The following LRP1B variants were observed in gnomAD, a reference collection of about 807,000 sequenced individuals.
LRP1B encodes the protein low-density lipoprotein receptor-related protein 1B.
Under a neutral mutation model 556.6 loss-of-function variants are expected in LRP1B, and 217 were observed. The observed-to-expected ratio is 0.39, with a 90% CI of 0.35 to 0.44. The LOEUF (loss-of-function observed/expected upper bound fraction) is 0.44. Among genes scored for constraint, LRP1B ranks in the 20% least tolerant of loss-of-function variants. The pLI, the probability that LRP1B is intolerant of heterozygous loss-of-function variation, is 1.00. For synonymous variants in LRP1B, 2,047 were observed against 1,865.8 expected (o/e 1.10, Z -2.50); for missense variants, 5,053 against 5,620.8 (o/e 0.90, Z 3.23).
intron 21 of LRP1B, among the ~76,000 whole-genome samples, chr2:140,913,540 G>C (rs758408483): frequency 2.0e-5 from 3 of 151,770 alleles, no homozygotes; most frequent in Non-Finnish European, 4.4e-5. Flanking sequence ...CTTAACATTC[G>C]AATATATACC....
At chr2:141,789,540 C>G (rs1017741947) in intron 2 of LRP1B, among the ~76,000 whole-genome samples, 2 of 151,930 alleles carry the variant, frequency 1.3e-5, no homozygotes, top group Non-Finnish European at 1.5e-5. Context: ...CCAAGATGAT[C>G]TGATACAATC....
At chr2:141,018,412 T>C (rs1438560265) in intron 12 of LRP1B, among the ~76,000 whole-genome samples, 1 of 152,116 alleles carries the variant, frequency 6.6e-6, no homozygotes, top group African/African-American at 2.4e-5. Flanking sequence ...GAAAAAAATA[T>C]TCTATTAATC....
At chr2:140,874,899 A>G (rs1266659160) in intron 25 of LRP1B, among the ~76,000 whole-genome samples, 2 of 151,870 alleles carry the variant, frequency 1.3e-5, no homozygotes, top group East Asian at 3.9e-4. Flanking sequence ...GGCACCTGTA[A>G]TCCCAGCTAC....
At chr2:140,296,123 A>C (rs1019330425) in intron 84 of LRP1B, among the ~76,000 whole-genome samples, 1 of 152,228 alleles carries the variant, frequency 6.6e-6, no homozygotes, top group Non-Finnish European at 1.5e-5. Flanking sequence ...AATGTGAAAT[A>C]TTCCAATATC....
intron 83 of LRP1B, among the ~76,000 whole-genome samples, chr2:140,302,446 T>C (rs1683875221): frequency 6.6e-6 from 1 of 152,204 alleles, no homozygotes; most frequent in African/African-American, 2.4e-5. Context: ...TTAGGTCTAC[T>C]TCATATTCAA....
intron 7 of LRP1B, among the ~76,000 whole-genome samples, chr2:141,145,698 T>C (rs1474986842): frequency 1.3e-5 from 2 of 151,678 alleles, no homozygotes; most frequent in Non-Finnish European, 2.9e-5. Context: ...CACGCCTGGC[T>C]AATTTTGTAT....
intron 2 of LRP1B, among the ~76,000 whole-genome samples, chr2:141,586,282 A>G (rs905920994): frequency 1.3e-5 from 2 of 152,194 alleles, no homozygotes; most frequent in Non-Finnish European, 2.9e-5. Flanking sequence ...AATACCTGCT[A>G]ATCACTTTGG....
rs113023867 is a variant in LRP1B, at chr2:140,489,592, T to C, written c.9121-1853A>G. 5.1e-3 allele frequency among the ~76,000 whole-genome samples: 777 copies of C among 152,198 alleles called. 8 individuals carry two copies. Among genetic ancestry groups the C allele is most frequent in the African/African-American group, 0.016 (662 of 41,564 alleles). ...TCAAAGTTCTAAAATATAAATTGAATGTGTTCCAGGCAAGTTTGTAGAGGG... is the reference window on the plus strand; with the variant it reads ...TCAAAGTTCTAAAATATAAATTGAACGTGTTCCAGGCAAGTTTGTAGAGGG... On this transcript the variant is annotated intron_variant, in intron 57 of 90. Transcript: ENST00000389484.
Position 140,506,409 on chromosome 2 carries a change from A to G in LRP1B, c.8521+387T>C, listed in dbSNP as rs571846549. ...ACAGGCATGGCCACCATGCCTGACG[A>G]ATTTTTGTATTTTTAGTAGAGATGG... On this transcript the variant is annotated intron_variant, in intron 53 of 90. Transcript: ENST00000389484. Among the ~76,000 whole-genome samples the G allele has an allele frequency of 7.3e-5, 11 of 151,490 alleles. 3 individuals are homozygous for G. Among genetic ancestry groups the G allele is most frequent in the African/African-American group, 2.7e-4 (11 of 41,288 alleles).
chr2:141,308,831 TGTTACCAA>T (rs2105444727), intron 3 of LRP1B, among the ~76,000 whole-genome samples: 2 of 152,308 alleles, frequency 1.3e-5, no homozygotes, highest in East Asian at 3.9e-4. Context: ...TACACTAACA[TGTTACCAA>T]ATAGCCTTTT....
At chr2:140,456,640 A>T (rs1211422610) in intron 61 of LRP1B, 37 bp from the exon 62 acceptor site, 1 of 1,577,444 alleles carries the variant, frequency 6.3e-7, no homozygotes, top group Non-Finnish European at 8.6e-7. Flanking sequence ...ACAAAACAGG[A>T]TAATCAAGAC....
chr2:141,264,781 T>C (rs1684825509), intron 3 of LRP1B, among the ~76,000 whole-genome samples: 1 of 152,120 alleles, frequency 6.6e-6, no homozygotes, highest in Non-Finnish European at 1.5e-5. Flanking sequence ...TTATAAAAGA[T>C]TGTATATGTT....
chr2:140,910,139 G>A (rs1208642471), intron 21 of LRP1B, among the ~76,000 whole-genome samples: 1 of 148,952 alleles, frequency 6.7e-6, no homozygotes, highest in Non-Finnish European at 1.5e-5. Context: ...AGTAGAAACT[G>A]TATATATTCC....
intron 2 of LRP1B, among the ~76,000 whole-genome samples, chr2:141,701,624 T>C (rs1691942693): frequency 6.6e-6 from 1 of 151,834 alleles, no homozygotes; most frequent in African/African-American, 2.4e-5. Context: ...TGTGGGCTAA[T>C]TGAGGACATC....
chr2:140,713,717 T>C (rs1406029574), intron 37 of LRP1B, among the ~76,000 whole-genome samples: 2 of 152,112 alleles, frequency 1.3e-5, no homozygotes, highest in Non-Finnish European at 2.9e-5. Context: ...CTCTTCCCTA[T>C]GTGTACCTCG....
At chr2:141,896,306 A>G (rs1236075574) in intron 1 of LRP1B, among the ~76,000 whole-genome samples, 2 of 152,212 alleles carry the variant, frequency 1.3e-5, no homozygotes, top group African/African-American at 4.8e-5. Flanking sequence ...TAATTTTAAC[A>G]TAGTATATAG....
chr2:140,487,299 A>T (rs1688508573), intron 58 of LRP1B, among the ~76,000 whole-genome samples: 2 of 151,952 alleles, frequency 1.3e-5, no homozygotes, highest in Non-Finnish European at 2.9e-5. Context: ...TATTTAAATC[A>T]ACAGAATTGA....
At chr2:141,015,100 T>C (rs950324910) in intron 13 of LRP1B, among the ~76,000 whole-genome samples, 4 of 152,130 alleles carry the variant, frequency 2.6e-5, no homozygotes, top group African/African-American at 9.6e-5. Context: ...ACATGAAATA[T>C]AGAGGTTTTG....
Position 141,881,039 on chromosome 2 carries a change from G to A in LRP1B, c.83-70638C>T, listed in dbSNP as rs185370304. Among the ~76,000 whole-genome samples, 67 of 152,068 alleles carry A rather than the reference G, an allele frequency of 4.4e-4. 2 individuals are homozygous for A. Among genetic ancestry groups the A allele is most frequent in the Non-Finnish European group, 5.3e-4 (36 of 67,946 alleles). On this transcript the variant is annotated intron_variant, in intron 1 of 90. Coordinates refer to ENST00000389484, the MANE Select transcript of LRP1B (RefSeq NM_018557.3). ...ATCTGAAAGAAAGGAAATAAAAACC[G>A]AGCATTCTTCTTGGCTTTAAATTGA...
Sources: gnomAD v4.1 joint callset for allele counts (sites outside exome capture counted in the v4.1 genomes callset) on GRCh38, gnomAD v4.1.1 for gene constraint, MANE v1.5 for transcripts, NCBI Gene and HGNC (gene_info 2026-07-23, HGNC 2026-07-21) for gene names.